The following TMIGD3 variants were observed in gnomAD, a reference collection of about 807,000 sequenced individuals.
The protein encoded by TMIGD3 is transmembrane and immunoglobulin domain containing 3.
A neutral mutation model predicts 28.1 loss-of-function variants in TMIGD3; 21 were observed. The observed-to-expected ratio is 0.75, with a 90% CI of 0.53 to 1.08. The LOEUF is 1.08. Ranked by LOEUF, TMIGD3 falls within the 50% of genes least tolerant of loss-of-function variation. TMIGD3 has a pLI of 0.00. For synonymous variants in TMIGD3, 151 were observed against 162.1 expected (o/e 0.93, Z 0.52); for missense variants, 416 against 435.6 (o/e 0.96, Z 0.40).
At position 111,517,987 on chromosome 1, in the gene TMIGD3, C is replaced by T. The variant is rs115376918; in HGVS notation, c.108-27225G>A. The stretch of plus-strand genomic sequence containing the variant: ...TGTATCTTAACACATCCCTGTGAGG[C>T]GGATATCATTTTGTACCCATTTTAT... On this transcript the variant is annotated intron_variant, in intron 1 of 5. Transcript: ENST00000369717. Among the ~76,000 whole-genome samples, 570 of 152,244 alleles carry T rather than the reference C, an allele frequency of 3.7e-3. 7 individuals carry two copies. The highest frequency in any genetic ancestry group is 0.013 in the African/African-American group (532 of 41,520).
intron 1 of TMIGD3, among the ~76,000 whole-genome samples, chr1:111,522,161 C>T (rs1656085818): frequency 6.6e-6 from 1 of 152,174 alleles, no homozygotes. Context: ...TGATTGTTGT[C>T]ATTTTACAGA....
At chr1:111,491,052 C>A (rs947791683) in intron 1 of TMIGD3, among the ~76,000 whole-genome samples, 2 of 152,266 alleles carry the variant, frequency 1.3e-5, no homozygotes, top group South Asian at 4.1e-4. Context: ...CTCTACTATG[C>A]CCTGTCCTGC....
chr1:111,558,493 A>T (rs955093566), intron 1 of TMIGD3, among the ~76,000 whole-genome samples: 1 of 152,136 alleles, frequency 6.6e-6, no homozygotes, highest in Non-Finnish European at 1.5e-5. Context: ...GGAGGGAAAT[A>T]ATTTTTAAAA....
At chr1:111,507,629 A>C (rs1655554812), upstream of TMIGD3, among the ~76,000 whole-genome samples, 2 of 152,206 alleles carry the variant, frequency 1.3e-5, no homozygotes, top group South Asian at 4.1e-4. Flanking sequence ...GGAGCCCTAG[A>C]GCTGGTCCAC....
chr1:111,486,704 C>A, intron 3 of TMIGD3, 52 bp from the exon 4 acceptor site: 2 of 1,405,410 alleles, frequency 1.4e-6, no homozygotes, highest in Non-Finnish European at 2.0e-6. Flanking sequence ...CCAGGTCCTA[C>A]CTCTGCCTCC....
At chr1:111,499,090 C>CAAA (rs59510125) in intron 1 of TMIGD3, among the ~76,000 whole-genome samples, 73,331 of 135,214 alleles carry the variant, frequency 0.54, 20,729 homozygotes, top group Admixed American at 0.66. Flanking sequence ...GACCTTGTCT[C>CAAA]AAAAAAAAAA....
intron 1 of TMIGD3, chr1:111,499,759 A>G (rs749043834): frequency 1.7e-5 from 24 of 1,417,602 alleles, no homozygotes; most frequent in Non-Finnish European, 2.2e-5. Flanking sequence ...GAGAAAGGAC[A>G]AGGGAAAAAT....
At chr1:111,554,695 A>G (rs1042089642) in intron 1 of TMIGD3, among the ~76,000 whole-genome samples, 3 of 152,258 alleles carry the variant, frequency 2.0e-5, no homozygotes, top group Non-Finnish European at 4.4e-5. Context: ...TCTCTTGAGA[A>G]TTTGTAACCA....
intron 1 of TMIGD3, among the ~76,000 whole-genome samples, chr1:111,553,641 G>T (rs1299029759): frequency 6.6e-6 from 1 of 152,116 alleles, no homozygotes; most frequent in African/African-American, 2.4e-5. Context: ...CTACTCAGCT[G>T]AATATCTATT....
At position 111,483,689 on chromosome 1, in the gene TMIGD3, A is replaced by G. The variant is rs1448140011; in HGVS notation, c.1042T>C (p.Ter348ArgextTer7). ...AACTAAATTAAAAAAATCTTCAGTC[A>G]CATCTGTTCAGTAGGAGCCATTTCC... Reference protein sequence around the residue: ...PKEMAPTEQM* With the variant: ...PKEMAPTEQMR Residue 348 changes from the stop codon to arginine (R), a stop_lost, in exon 6 of 6, where the codon TGA becomes CGA. Coordinates refer to ENST00000369716, the MANE Select transcript of TMIGD3 (RefSeq NM_020683.7). The G allele has an allele frequency of 1.2e-6, 2 of 1,612,110 alleles. No homozygotes were observed. Among genetic ancestry groups the G allele is most frequent in the Non-Finnish European group, 1.7e-6 (2 of 1,178,334 alleles).
chr1:111,563,457 T>C (rs576734793), intron 1 of TMIGD3, among the ~76,000 whole-genome samples: 1 of 152,328 alleles, frequency 6.6e-6, no homozygotes, highest in Admixed American at 6.5e-5. Context: ...GAGATTTGTT[T>C]TTCTGAACCT....
intron 2 of TMIGD3, 78 bp from the exon 3 acceptor site, chr1:111,489,102 T>C: frequency 1.5e-6 from 2 of 1,339,378 alleles, no homozygotes; most frequent in Non-Finnish European, 2.1e-6. Flanking sequence ...GCTCCTGCCC[T>C]CCTGAAGGAT....
chr1:111,552,338 G>A lies in TMIGD3; in HGVS notation c.107+11508C>T, dbSNP rs112376174. Reference sequence around the variant, plus strand: ...TGAGCTGGGGAGCTAGAGATGGAACGAAGGCAAGTTATAATGTCACAAGTC... The same window carrying A: ...TGAGCTGGGGAGCTAGAGATGGAACAAAGGCAAGTTATAATGTCACAAGTC... On this transcript the variant is annotated intron_variant, in intron 1 of 5. Coordinates refer to the TMIGD3 transcript ENST00000369717. Among the ~76,000 whole-genome samples, 248 of 152,276 alleles carry A rather than the reference G, an allele frequency of 1.6e-3. 1 individual carries two copies. Among genetic ancestry groups the A allele is most frequent in the African/African-American group, 5.5e-3 (230 of 41,566 alleles).
At chr1:111,504,743 C>T (rs1336967418), upstream of TMIGD3, 22 of 399,750 alleles carry the variant, frequency 5.5e-5, no homozygotes, top group African/African-American at 1.5e-4. Flanking sequence ...ATAAGGGAGA[C>T]GCCTCTGCCT....
intron 1 of TMIGD3, among the ~76,000 whole-genome samples, chr1:111,498,264 T>C (rs964038983): frequency 1.3e-5 from 2 of 152,200 alleles, no homozygotes; most frequent in Non-Finnish European, 2.9e-5. Context: ...TTAATTGAAA[T>C]CTCCATCTTG....
At chr1:111,504,124 T>C, upstream of TMIGD3, 1 of 985,414 alleles carries the variant, frequency 1.0e-6, no homozygotes, top group South Asian at 4.7e-5. Context: ...GCAAAGATCC[T>C]TGGTCAAAGG....
At chr1:111,523,943 C>A (rs952336082) in intron 1 of TMIGD3, among the ~76,000 whole-genome samples, 7 of 150,882 alleles carry the variant, frequency 4.6e-5, no homozygotes, top group Admixed American at 4.6e-4. Flanking sequence ...TTCTATTTCA[C>A]TGATTTATGC....
intron 1 of TMIGD3, among the ~76,000 whole-genome samples, chr1:111,493,162 T>C (rs1471468348): frequency 6.6e-6 from 1 of 151,884 alleles, no homozygotes; most frequent in Non-Finnish European, 1.5e-5. Context: ...AAATAAGGGG[T>C]CGTTCTTCTA....
At chr1:111,512,000 G>A (rs1028292134) in intron 1 of TMIGD3, among the ~76,000 whole-genome samples, 6 of 141,098 alleles carry the variant, frequency 4.3e-5, no homozygotes, top group Admixed American at 3.4e-4. Context: ...AGCCAGTTCA[G>A]GGTCAAAACT....
Sources: allele counts gnomAD v4.1 joint callset (sites outside exome capture counted in the v4.1 genomes callset), GRCh38; gene constraint gnomAD v4.1.1; transcripts MANE v1.5; gene names NCBI Gene and HGNC (gene_info 2026-07-23, HGNC 2026-07-21).